LRRC1: variants seen among roughly 807,000 people sequenced by gnomAD.
LRRC1 encodes leucine rich repeat containing 1, also known as leucine-rich repeat-containing protein 1.
A neutral mutation model predicts 69.9 loss-of-function variants in LRRC1; 28 were observed. The observed-to-expected ratio is 0.40, with a 90% CI of 0.30 to 0.55. The LOEUF (loss-of-function observed/expected upper bound fraction) is 0.55, where lower values mean the gene tolerates loss of function less well. LRRC1 is among the 20% of genes least tolerant of loss of function. The probability of loss-of-function intolerance (pLI) is 0.47; values close to 1 mark genes in which losing one functional copy is unlikely to be tolerated. For synonymous variants in LRRC1, 236 were observed against 240.2 expected, an observed-to-expected ratio of 0.98 and a Z score of 0.16; for missense variants, 498 against 609.0, an observed-to-expected ratio of 0.82 and a Z score of 1.92.
chr6:53,881,495 T>A (rs1237768675), intron 3 of LRRC1, among the ~76,000 whole-genome samples: 1 of 152,228 alleles, frequency 6.6e-6, no homozygotes, highest in Non-Finnish European at 1.5e-5. Context: ...ACAGATAAGT[T>A]GCATCTTTTG....
intron 1 of LRRC1, among the ~76,000 whole-genome samples, chr6:53,808,872 A>T (rs968451043): frequency 5.9e-5 from 9 of 152,228 alleles, no homozygotes; most frequent in Non-Finnish European, 1.0e-4. Context: ...AAATGAAAAG[A>T]AAAAGAGCAC....
Position 53,795,237 on chromosome 6 carries a change from A to AGGCGGC in LRRC1, c.-14_-9dup. ...GGTCTCCGCCGCTCGGGACCCGGCT[A>AGGCGGC]GGCGGCGGCGGGGGCGGCGATGTTC... On this transcript the variant is annotated 5_prime_UTR_variant, in exon 1 of 14. Coordinates refer to ENST00000370888, the MANE Select transcript of LRRC1 (RefSeq NM_018214.5). The AGGCGGC allele has an allele frequency of 6.3e-7, 1 of 1,585,700 alleles. No homozygotes were observed. Among genetic ancestry groups the AGGCGGC allele is most frequent in the East Asian group, 2.3e-5 (1 of 44,036 alleles).
intron 1 of LRRC1, among the ~76,000 whole-genome samples, chr6:53,804,826 G>A (rs1219128793): frequency 6.6e-6 from 1 of 152,194 alleles, no homozygotes; most frequent in Non-Finnish European, 1.5e-5. Context: ...TAGATTTTCA[G>A]TTTTTTAGTC....
At chr6:53,893,854 T>A (rs1400228063) in intron 4 of LRRC1, among the ~76,000 whole-genome samples, 1 of 152,152 alleles carries the variant, frequency 6.6e-6, no homozygotes, top group Non-Finnish European at 1.5e-5. Context: ...TATATCTGGG[T>A]GTTAGCATGA....
At chr6:53,917,696 T>C (rs1310382799) in intron 11 of LRRC1, among the ~76,000 whole-genome samples, 1 of 152,214 alleles carries the variant, frequency 6.6e-6, no homozygotes, top group Non-Finnish European at 1.5e-5. Context: ...TGACTGTAAG[T>C]GTCTTGCCCA....
intron 2 of LRRC1, among the ~76,000 whole-genome samples, chr6:53,845,397 A>G (rs1479291419): frequency 6.6e-6 from 1 of 152,182 alleles, no homozygotes; most frequent in Admixed American, 6.5e-5. Flanking sequence ...TAGGCAAATA[A>G]AAGTCACAAA....
intron 1 of LRRC1, among the ~76,000 whole-genome samples, chr6:53,806,723 A>C (rs535573744): frequency 6.6e-6 from 1 of 152,328 alleles, no homozygotes; most frequent in South Asian, 2.1e-4. Context: ...ATCTAGGCTT[A>C]ATCATTATAA....
intron 2 of LRRC1, among the ~76,000 whole-genome samples, chr6:53,860,666 A>C (rs555286904): frequency 6.6e-6 from 1 of 152,176 alleles, no homozygotes; most frequent in Non-Finnish European, 1.5e-5. Flanking sequence ...TCCATTTCCC[A>C]CCACCTCCTT....
rs1454939141 is a variant in LRRC1 at position 53,840,911 on chromosome 6, TGTGTGTGTGTGTGTGTGC to T, written c.160-1195_160-1178del. Among the ~76,000 whole-genome samples, 6 of 143,616 alleles carry T rather than the reference TGTGTGTGTGTGTGTGTGC, an allele frequency of 4.2e-5. No homozygotes were observed. The East Asian group carries it at 1.0e-3, about 25-fold the overall frequency. 94.2% of individuals were successfully genotyped at this position (143,616 alleles called of 152,430 possible). ...GTGTGTGTGTGTGTGTGTGTGTGTGTGTGTGTGTGTGTGTGTGCGTGCGCGCACATTCTCTTTCTTGCA... is the reference window on the plus strand; with the variant it reads ...GTGTGTGTGTGTGTGTGTGTGTGTGTGTGCGCGCACATTCTCTTTCTTGCA... On this transcript the variant is annotated intron_variant, in intron 1 of 13. Transcript: ENST00000370888.
intron 8 of LRRC1, among the ~76,000 whole-genome samples, 166 bp from the exon 9 acceptor site, chr6:53,902,463 C>T (rs1244514462): frequency 6.6e-6 from 1 of 152,110 alleles, no homozygotes; most frequent in Non-Finnish European, 1.5e-5. Flanking sequence ...AACTCCCAAC[C>T]TTCAGTGATC....
intron 2 of LRRC1, among the ~76,000 whole-genome samples, chr6:53,850,633 G>T (rs978086895): frequency 6.6e-6 from 1 of 152,208 alleles, no homozygotes; most frequent in Non-Finnish European, 1.5e-5. Context: ...TGTTGCAAAG[G>T]GTTTGCTTTG....
chr6:53,887,442 G>T (rs1190302197), intron 4 of LRRC1, among the ~76,000 whole-genome samples: 1 of 151,624 alleles, frequency 6.6e-6, no homozygotes, highest in Non-Finnish European at 1.5e-5. Flanking sequence ...GTTCTTTTCT[G>T]TGCGATGAAG....
intron 2 of LRRC1, among the ~76,000 whole-genome samples, chr6:53,875,744 G>A (rs935612233): frequency 1.8e-4 from 27 of 152,058 alleles, no homozygotes; most frequent in Admixed American, 1.5e-3. Context: ...GGTAGTGGCG[G>A]TTTTTGTTAT....
intron 2 of LRRC1, among the ~76,000 whole-genome samples, chr6:53,869,378 AT>A (rs935395048): frequency 6.6e-6 from 1 of 151,644 alleles, no homozygotes; most frequent in African/African-American, 2.4e-5. Flanking sequence ...CATTGAGAAG[AT>A]TTTTTTTTCT....
intron 4 of LRRC1, chr6:53,884,015 A>G: frequency 1.4e-6 from 1 of 717,702 alleles, no homozygotes; most frequent in Non-Finnish European, 2.6e-6. Context: ...ATGTACACTG[A>G]TGTTTTATCT....
chr6:53,888,076 C>T (rs1414269909), intron 4 of LRRC1, among the ~76,000 whole-genome samples: 1 of 152,092 alleles, frequency 6.6e-6, no homozygotes. Flanking sequence ...AATGTTGGTA[C>T]AATGTGTGAA....
intron 4 of LRRC1, chr6:53,884,234 G>C (rs1462792238): frequency 3.9e-6 from 2 of 508,522 alleles, no homozygotes; most frequent in African/African-American, 3.9e-5. Context: ...GCTGGGCATG[G>C]TGGCTCACAC....
intron 1 of LRRC1, among the ~76,000 whole-genome samples, chr6:53,799,398 C>T (rs1054475914): frequency 1.3e-5 from 2 of 152,212 alleles, no homozygotes; most frequent in Non-Finnish European, 2.9e-5. Context: ...ACATAGTGGG[C>T]ACAAAGATGT....
At position 53,916,747 on chromosome 6, in the gene LRRC1, T is replaced by TG. The variant is rs535602668; in HGVS notation, c.1107-2750dup. On this transcript the variant is annotated intron_variant, in intron 11 of 13. Transcript: ENST00000370888. ...AAGTAGCAGAAAGATGAAACTACAT[T>TG]GTAAGGCGTATTCAGTCACTGGTGA... Among the ~76,000 whole-genome samples, 24 of 152,296 alleles carry TG rather than the reference T, an allele frequency of 1.6e-4. No homozygotes were observed. In the South Asian group the frequency reaches 5.0e-3, roughly 32 times the overall value.
Sources: allele counts gnomAD v4.1 joint callset (sites outside exome capture counted in the v4.1 genomes callset), GRCh38; gene constraint gnomAD v4.1.1; transcripts MANE v1.5; gene names NCBI Gene and HGNC (gene_info 2026-07-23, HGNC 2026-07-21).